The following MROH2B variants were observed in gnomAD, a reference collection of about 807,000 sequenced individuals.
MROH2B encodes the protein maestro heat like repeat family member 2B.
Under a neutral mutation model 208.6 loss-of-function variants are expected in MROH2B, and 177 were observed. The observed-to-expected ratio is 0.85, with a 90% CI of 0.75 to 0.96. MROH2B has a LOEUF of 0.96. MROH2B is among the 40% of genes least tolerant of loss of function. The pLI is 0.00. For missense variants in MROH2B, 2,002 were observed against 1,878.7 expected, an observed-to-expected ratio of 1.07 and a Z score of -1.21; for synonymous variants, 728 against 659.0, an observed-to-expected ratio of 1.10 and a Z score of -1.60.
chr5:40,998,370 G>A (rs1417575104), intron 41 of MROH2B, among the ~76,000 whole-genome samples: 1 of 152,192 alleles, frequency 6.6e-6, no homozygotes, highest in Non-Finnish European at 1.5e-5. Context: ...CCCTGACCTT[G>A]TGATCAGTAG....
chr5:41,018,900 C>T lies in MROH2B; in HGVS notation c.2560G>A (p.Asp854Asn), dbSNP rs201612500. The change falls in exon 25 of 42, where the codon GAC becomes AAC. Residue 854 changes from aspartate to asparagine, a missense_variant. By Grantham distance (23) the Asp-to-Asn change is conservative. Transcript: ENST00000399564. ...GTGCATACTTGAATGTGCTCCTTGT[C>T]CTTGTCTGTCTGGCCTTCACTTTTC... Reference protein sequence around the residue: ...NLKSEGQTDKDKEHIQFLYER... With the variant: ...NLKSEGQTDKNKEHIQFLYER... 6.8e-4 allele frequency: 1,095 copies of T among 1,613,778 alleles called. 2 individuals are homozygous for T. Among genetic ancestry groups the T allele is most frequent in the Non-Finnish European group, 8.7e-4 (1,032 of 1,179,880 alleles).
At chr5:41,040,901 G>A (rs1410311351) in intron 19 of MROH2B, among the ~76,000 whole-genome samples, 3 of 151,972 alleles carry the variant, frequency 2.0e-5, no homozygotes, top group East Asian at 1.9e-4. Context: ...TCCTGACCTC[G>A]TGATCTGCCT....
chr5:41,038,223 C>A (rs1742824190), intron 21 of MROH2B, among the ~76,000 whole-genome samples: 1 of 152,144 alleles, frequency 6.6e-6, no homozygotes, highest in Non-Finnish European at 1.5e-5. Flanking sequence ...AGTTAAAGAA[C>A]TACCATGGGC....
chr5:41,015,244 A>C, intron 29 of MROH2B, 137 bp downstream of exon 29: 1 of 688,410 alleles, frequency 1.5e-6, no homozygotes, highest in South Asian at 2.0e-5. Flanking sequence ...TGTGTACTCT[A>C]AGTTAGAAAA....
In MROH2B at chr5:41,061,613, C is replaced by T. The variant is rs1023840; in HGVS notation, c.572G>A (p.Trp191Ter). 344,938 of 1,613,476 alleles carry T rather than the reference C, an allele frequency of 0.21. 39,639 individuals are homozygous for T. The highest frequency in any genetic ancestry group is 0.33 in the Admixed American group (19,988 of 59,996). Residue 191 changes from tryptophan (W) to a stop codon, truncating the protein, a stop_gained, in exon 6 of 42, where the codon TGG becomes TAG. Coordinates refer to ENST00000399564, the MANE Select transcript of MROH2B (RefSeq NM_173489.5). LOFTEE classifies it high-confidence loss of function. ...AGGGGCCCACTTCTCCATTATATAC[C>T]AGAACAGCATGAAGATCTTGTCAGA... Reference protein sequence around the residue: ...RLSDKIFMLFWYIMEKWAPLA... With the variant: ...RLSDKIFMLF
intron 38 of MROH2B, 86 bp from the exon 39 acceptor site, chr5:41,000,437 G>C: frequency 1.3e-6 from 2 of 1,525,240 alleles, no homozygotes; most frequent in Non-Finnish European, 1.8e-6. Flanking sequence ...TACTGGGAAA[G>C]AAGCACTAAA....
chr5:41,058,741 C>T (rs1324784160), intron 6 of MROH2B, among the ~76,000 whole-genome samples: 3 of 152,134 alleles, frequency 2.0e-5, no homozygotes, highest in Admixed American at 6.5e-5. Context: ...CAATCTAGAA[C>T]TTACCTCATC....
chr5:41,004,892 T>G lies in MROH2B; in HGVS notation c.3893A>C (p.His1298Pro), dbSNP rs1262769875. Residue 1298 changes from histidine to proline, a missense_variant, in exon 36 of 42, where the codon CAT becomes CCT. By Grantham distance (77) the His-to-Pro change is moderately conservative. Coordinates refer to ENST00000399564, the MANE Select transcript of MROH2B (RefSeq NM_173489.5). ...GATCAGCACATTTCGCAGATTCCCA[T>G]GCTTCCAAAGGATTGGTTCCTTCAT... ...ELMKEPILWK[H>P]GNLRNVLILM... 6.2e-7 allele frequency: 1 copy of G among 1,613,990 alleles called. No homozygotes were observed. The highest frequency in any genetic ancestry group is 1.7e-5 in the Admixed American group (1 of 60,026).
intron 21 of MROH2B, among the ~76,000 whole-genome samples, chr5:41,038,053 G>T (rs947145526): frequency 1.3e-5 from 2 of 152,150 alleles, no homozygotes; most frequent in African/African-American, 4.8e-5. Flanking sequence ...CATCAAGGAG[G>T]GTCAGGTTGG....
intron 18 of MROH2B, among the ~76,000 whole-genome samples, chr5:41,044,032 G>A (rs879561448): frequency 1.3e-5 from 2 of 149,620 alleles, no homozygotes; most frequent in Non-Finnish European, 3.0e-5. Flanking sequence ...GAGGTCAGGA[G>A]ATCGAGACCA....
At chr5:41,040,290 C>T (rs1408441776) in intron 19 of MROH2B, among the ~76,000 whole-genome samples, 1 of 152,096 alleles carries the variant, frequency 6.6e-6, no homozygotes, top group Non-Finnish European at 1.5e-5. Flanking sequence ...TCCCTCTGTC[C>T]CCACCTCTCT....
intron 26 of MROH2B, 122 bp downstream of exon 26, chr5:41,018,569 G>A (rs867004470): frequency 2.8e-6 from 4 of 1,406,176 alleles, no homozygotes; most frequent in Middle Eastern, 4.0e-4. Flanking sequence ...ATGGCTGTAT[G>A]TGGGGTGTGG....
intron 5 of MROH2B, among the ~76,000 whole-genome samples, chr5:41,062,106 T>C (rs536441271): frequency 6.7e-6 from 1 of 148,988 alleles, no homozygotes; most frequent in South Asian, 2.1e-4. Flanking sequence ...CTTATGTATA[T>C]AGCCATTAGA....
intron 21 of MROH2B, among the ~76,000 whole-genome samples, chr5:41,036,492 T>A (rs1055007325): frequency 6.6e-6 from 1 of 152,104 alleles, no homozygotes; most frequent in African/African-American, 2.4e-5. Context: ...AGAGTGAAAA[T>A]GGACGAATAC....
intron 24 of MROH2B, among the ~76,000 whole-genome samples, chr5:41,028,559 A>G (rs1306558121): frequency 1.3e-5 from 2 of 152,150 alleles, no homozygotes; most frequent in Non-Finnish European, 2.9e-5. Flanking sequence ...GTAAGATTAT[A>G]CAATATTTTT....
intron 22 of MROH2B, 128 bp downstream of exon 22, chr5:41,033,710 T>A: frequency 2.7e-6 from 2 of 741,438 alleles, no homozygotes; most frequent in South Asian, 4.0e-5. Context: ...ATTGGATTGT[T>A]ACATGTTGGA....
At position 41,051,264 on chromosome 5, in the gene MROH2B, C is replaced by T. The variant is rs368993230; in HGVS notation, c.1231-174G>A. Among the ~76,000 whole-genome samples the T allele has an allele frequency of 4.6e-5, 7 of 152,178 alleles. 1 individual carries two copies. The highest frequency in any genetic ancestry group is 3.9e-4 in the East Asian group (2 of 5,188). On this transcript the variant is annotated intron_variant, in intron 12 of 41. Coordinates refer to ENST00000399564, the MANE Select transcript of MROH2B (RefSeq NM_173489.5). ...CATCTAATCCCTGTTTGAAAGGGCC[C>T]CTTGGAGGAATTAGTTGGAAAACAC...
intron 19 of MROH2B, among the ~76,000 whole-genome samples, chr5:41,040,911 T>G (rs1742927522): frequency 6.6e-6 from 1 of 152,098 alleles, no homozygotes; most frequent in South Asian, 2.1e-4. Context: ...GTGATCTGCC[T>G]GCCTCAGCCT....
intron 40 of MROH2B, 93 bp from the exon 41 acceptor site, chr5:40,998,770 G>T: frequency 9.9e-7 from 1 of 1,013,868 alleles, no homozygotes; most frequent in Non-Finnish European, 1.5e-6. Flanking sequence ...TGGTGAGAAG[G>T]TAAATGGTAG....
Sources: allele counts gnomAD v4.1 joint callset (sites outside exome capture counted in the v4.1 genomes callset), GRCh38; gene constraint gnomAD v4.1.1; transcripts MANE v1.5; gene names NCBI Gene and HGNC (gene_info 2026-07-23, HGNC 2026-07-21).